The following GALNTL6 variants were observed in gnomAD, a reference collection of about 807,000 sequenced individuals.
The protein encoded by GALNTL6 is polypeptide N-acetylgalactosaminyltransferase-like 6.
A neutral mutation model predicts 73.7 loss-of-function variants in GALNTL6; 46 were observed. The ratio of observed to expected loss-of-function variants is 0.62; its 90% CI spans 0.49 to 0.80. The LOEUF (loss-of-function observed/expected upper bound fraction) is 0.80, where lower values mean the gene tolerates loss of function less well. GALNTL6 is among the 30% of genes least tolerant of loss of function. GALNTL6 has a pLI of 0.00. For synonymous variants in GALNTL6, 259 were observed against 263.7 expected (o/e 0.98, Z 0.17); for missense variants, 604 against 755.0 (o/e 0.80, Z 2.34).
intron 4 of GALNTL6, among the ~76,000 whole-genome samples, chr4:172,340,592 T>C (rs998522197): frequency 5.3e-5 from 8 of 152,210 alleles, no homozygotes; most frequent in African/African-American, 1.7e-4. Context: ...AAATATTTTG[T>C]ATTACTATAA....
chr4:172,888,310 A>G (rs1268560446), intron 8 of GALNTL6, among the ~76,000 whole-genome samples: 2 of 152,208 alleles, frequency 1.3e-5, no homozygotes, highest in African/African-American at 4.8e-5. Context: ...CATAATTTTT[A>G]TAGCTTAAGG....
intron 2 of GALNTL6, among the ~76,000 whole-genome samples, chr4:172,062,073 C>T (rs1178014978): frequency 1.3e-5 from 2 of 151,552 alleles, no homozygotes; most frequent in Non-Finnish European, 2.9e-5. Flanking sequence ...CCGCAGCCTC[C>T]TGAGTAGCTG....
intron 2 of GALNTL6, among the ~76,000 whole-genome samples, chr4:171,953,982 T>C (rs1738967586): frequency 1.3e-5 from 2 of 152,134 alleles, no homozygotes; most frequent in South Asian, 4.1e-4. Flanking sequence ...GGCATAACAA[T>C]GTTCAAGAAA....
chr4:172,621,264 A>T (rs1245038928), intron 5 of GALNTL6, among the ~76,000 whole-genome samples: 2 of 152,326 alleles, frequency 1.3e-5, no homozygotes, highest in East Asian at 3.9e-4. Flanking sequence ...TATGTTGCCC[A>T]GGCTGTTCTC....
chr4:172,478,660 G>T (rs555808409), intron 5 of GALNTL6, among the ~76,000 whole-genome samples: 1 of 152,016 alleles, frequency 6.6e-6, no homozygotes, highest in Non-Finnish European at 1.5e-5. Flanking sequence ...ATGAATAAAT[G>T]AGATAAACTA....
intron 10 of GALNTL6, among the ~76,000 whole-genome samples, chr4:172,955,935 C>G (rs1749726952): frequency 6.6e-6 from 1 of 152,084 alleles, no homozygotes; most frequent in Admixed American, 6.6e-5. Flanking sequence ...TCAGTTAAGG[C>G]AGGAACAGGC....
intron 2 of GALNTL6, among the ~76,000 whole-genome samples, chr4:172,223,233 A>G (rs900050846): frequency 3.3e-5 from 5 of 152,062 alleles, no homozygotes; most frequent in Non-Finnish European, 5.9e-5. Context: ...ATTGTTAACA[A>G]TGACACATTT....
intron 12 of GALNTL6, among the ~76,000 whole-genome samples, chr4:173,022,031 GA>G (rs1753014195): frequency 6.1e-5 from 1 of 16,314 alleles, no homozygotes; most frequent in South Asian, 5.0e-3. Flanking sequence ...AGGAAGGAAA[GA>G]AGGAAGGAAG....
At chr4:172,244,062 A>T (rs1196948180) in intron 3 of GALNTL6, among the ~76,000 whole-genome samples, 1 of 152,166 alleles carries the variant, frequency 6.6e-6, no homozygotes, top group Admixed American at 6.5e-5. Flanking sequence ...AACATCTAGC[A>T]TGTGCTCTCA....
chr4:172,522,121 A>C (rs1237012948), intron 5 of GALNTL6, among the ~76,000 whole-genome samples: 2 of 152,222 alleles, frequency 1.3e-5, no homozygotes, highest in African/African-American at 4.8e-5. Flanking sequence ...AAATATTTTA[A>C]GTCTTTGTGT....
At chr4:172,782,282 T>G (rs1739409412) in intron 5 of GALNTL6, among the ~76,000 whole-genome samples, 1 of 152,188 alleles carries the variant, frequency 6.6e-6, no homozygotes, top group African/African-American at 2.4e-5. Context: ...TATTAAACTT[T>G]CCTTTGAGAA....
chr4:171,953,804 G>A (rs1159824357), intron 2 of GALNTL6, among the ~76,000 whole-genome samples: 5 of 152,128 alleles, frequency 3.3e-5, no homozygotes, highest in Non-Finnish European at 7.4e-5. Context: ...AATAGCCCAA[G>A]AGACAGTAAA....
At chr4:172,952,304 T>G in intron 10 of GALNTL6, 46 bp downstream of exon 10, 1 of 1,398,704 alleles carries the variant, frequency 7.1e-7, no homozygotes, top group Non-Finnish European at 1.0e-6. Flanking sequence ...TGAGACTGTG[T>G]GCCTCCCCCA....
chr4:172,108,713 G>A (rs1732760504), intron 2 of GALNTL6, among the ~76,000 whole-genome samples: 1 of 151,986 alleles, frequency 6.6e-6, no homozygotes, highest in Non-Finnish European at 1.5e-5. Context: ...AAGGAAAGCG[G>A]AGGTGCAATA....
In GALNTL6 at chr4:172,890,682, G is replaced by A. The variant is rs548187298; in HGVS notation, c.1041+7775G>A. ...TGTATATTCTGTGGCTGTTAAGTGGGGTATTCTGTAGATGTCTACTTTGTC... is the reference window on the plus strand; with the variant it reads ...TGTATATTCTGTGGCTGTTAAGTGGAGTATTCTGTAGATGTCTACTTTGTC... On this transcript the variant is annotated intron_variant, in intron 8 of 12. Transcript: ENST00000506823. Among the ~76,000 whole-genome samples, 6 of 152,194 alleles carry A rather than the reference G, an allele frequency of 3.9e-5. No homozygotes were observed. In the East Asian group the frequency reaches 1.2e-3, roughly 29 times the overall value.
intron 11 of GALNTL6, among the ~76,000 whole-genome samples, chr4:173,012,160 C>T (rs1172815346): frequency 6.6e-6 from 1 of 152,198 alleles, no homozygotes; most frequent in Non-Finnish European, 1.5e-5. Context: ...ACTCATCACA[C>T]TCATCTCTTA....
intron 2 of GALNTL6, among the ~76,000 whole-genome samples, chr4:171,950,485 T>TTC (rs1738841729): frequency 2.7e-5 from 1 of 36,530 alleles, no homozygotes; most frequent in African/African-American, 1.6e-4. Context: ...TTCTTTTCTT[T>TTC]TTTTTTTTTT....
At chr4:172,599,616 A>T (rs1737982538) in intron 5 of GALNTL6, among the ~76,000 whole-genome samples, 1 of 152,146 alleles carries the variant, frequency 6.6e-6, no homozygotes, top group Non-Finnish European at 1.5e-5. Flanking sequence ...TATTTCTCTT[A>T]AGTAAAATTT....
intron 2 of GALNTL6, among the ~76,000 whole-genome samples, chr4:172,170,971 C>T (rs754596527): frequency 3.3e-5 from 5 of 152,084 alleles, no homozygotes; most frequent in Non-Finnish European, 5.9e-5. Flanking sequence ...TTTTTCTTAT[C>T]GTCAAATAAT....
Sources: allele counts gnomAD v4.1 joint callset (sites outside exome capture counted in the v4.1 genomes callset), GRCh38; gene constraint gnomAD v4.1.1; transcripts MANE v1.5; gene names NCBI Gene and HGNC (gene_info 2026-07-23, HGNC 2026-07-21).